The following LRRC7 variants were observed in gnomAD, a reference collection of about 807,000 sequenced individuals.
LRRC7 encodes leucine-rich repeat-containing protein 7.
Under a neutral mutation model 175.7 loss-of-function variants are expected in LRRC7, and 23 were observed. That is an observed-to-expected ratio of 0.13 (90% CI 0.09 to 0.19). The LOEUF is 0.19. Among genes scored for constraint, LRRC7 ranks in the 10% least tolerant of loss-of-function variants. The probability of loss-of-function intolerance (pLI) is 1.00; values close to 1 mark genes in which losing one functional copy is unlikely to be tolerated. For synonymous variants in LRRC7, 685 were observed against 680.9 expected (o/e 1.01, Z -0.09); for missense variants, 1,354 against 1,904.7 (o/e 0.71, Z 5.38).
chr1:70,128,882 T>C lies in LRRC7; in HGVS notation c.*6995T>C, dbSNP rs1666552864. The C allele has an allele frequency of 6.6e-6, 1 of 152,116 alleles. No individual in the cohort carries two copies. Among genetic ancestry groups the C allele is most frequent in the Non-Finnish European group, 1.5e-5 (1 of 68,008 alleles). 9.4% of individuals were successfully genotyped at this position (152,116 alleles called of 1,614,324 possible). A position where few individuals can be genotyped will look rare whatever the true frequency, so the allele number is the denominator to read the frequency against. Reference sequence around the variant, plus strand: ...AGTCAAATCTGTTTCAGTTTGAGCATGGTTTTTTCCATTTGGAGCTACAGA... The same window carrying C: ...AGTCAAATCTGTTTCAGTTTGAGCACGGTTTTTTCCATTTGGAGCTACAGA... On this transcript the variant is annotated 3_prime_UTR_variant, in exon 27 of 27. Transcript: ENST00000651989.
At position 69,573,821 on chromosome 1, in the gene LRRC7, G is replaced by A. The variant is rs142845096; in HGVS notation, c.2+5180G>A. ...AAAATATTATTTTACTTCAATACAC[G>A]TGAAAGAAATAGTAGTTGTCAGGGA... is the stretch of plus-strand genomic sequence containing the variant. On this transcript the variant is annotated intron_variant, in intron 1 of 26. Transcript: ENST00000651989. 4.6e-5 allele frequency among the ~76,000 whole-genome samples: 7 copies of A among 152,140 alleles called. No individual in the cohort carries two copies. The East Asian group carries it at 1.2e-3, about 25-fold the overall frequency.
chr1:69,617,069 TC>T (rs1185984720), intron 1 of LRRC7, among the ~76,000 whole-genome samples: 1 of 152,078 alleles, frequency 6.6e-6, no homozygotes, highest in Non-Finnish European at 1.5e-5. Context: ...CATCTATATA[TC>T]CCAAGCTGCA....
chr1:69,766,048 A>G lies in LRRC7; in HGVS notation c.303+5655A>G, dbSNP rs181583431. Among the ~76,000 whole-genome samples, 232 of 151,924 alleles carry G rather than the reference A, an allele frequency of 1.5e-3. 1 individual carries two copies. In the Middle Eastern group the frequency reaches 0.044, roughly 29 times the overall value. ...AAATCAACAGACCAAAAAAAAAAAA[A>G]TGTCCTTAGAAAGGAAAAAGACAAT... On this transcript the variant is annotated intron_variant, in intron 3 of 26. Coordinates refer to ENST00000651989, the MANE Select transcript of LRRC7 (RefSeq NM_001370785.2).
At chr1:69,985,776 T>C (rs932898836) in intron 9 of LRRC7, among the ~76,000 whole-genome samples, 1 of 152,248 alleles carries the variant, frequency 6.6e-6, no homozygotes, top group Non-Finnish European at 1.5e-5. Context: ...GCATGTATTT[T>C]CAAGGTTCAT....
At chr1:70,032,826 A>G (rs1658902714) in intron 18 of LRRC7, among the ~76,000 whole-genome samples, 1 of 152,212 alleles carries the variant, frequency 6.6e-6, no homozygotes. Flanking sequence ...CAGTTTGAAC[A>G]GTGGAAGGGC....
intron 23 of LRRC7, among the ~76,000 whole-genome samples, chr1:70,068,011 T>G (rs547740487): frequency 1.3e-5 from 2 of 152,326 alleles, no homozygotes; most frequent in South Asian, 4.1e-4. Context: ...ATTTTTTGGT[T>G]GTTGATTCTT....
rs191076904 is a variant in LRRC7 at position 69,811,568 on chromosome 1, C to T, written c.422-14180C>T. Reference sequence around the variant, plus strand: ...GGATAAAGAAAATGTGGACCATATACACCATGGAATACTATGCATCCATAA... The same window carrying T: ...GGATAAAGAAAATGTGGACCATATATACCATGGAATACTATGCATCCATAA... On this transcript the variant is annotated intron_variant, in intron 4 of 26. Coordinates refer to ENST00000651989, the MANE Select transcript of LRRC7 (RefSeq NM_001370785.2). Among the ~76,000 whole-genome samples, 728 of 152,242 alleles carry T rather than the reference C, an allele frequency of 4.8e-3. 4 individuals are homozygous for T. Among genetic ancestry groups the T allele is most frequent in the Non-Finnish European group, 6.8e-3 (462 of 68,020 alleles).
intron 1 of LRRC7, among the ~76,000 whole-genome samples, chr1:69,594,969 T>C (rs1360458105): frequency 6.6e-6 from 1 of 152,118 alleles, no homozygotes; most frequent in African/African-American, 2.4e-5. Flanking sequence ...TTAACATACA[T>C]AGAAGATGAC....
intron 1 of LRRC7, among the ~76,000 whole-genome samples, chr1:69,611,418 T>C (rs1224764446): frequency 6.6e-6 from 1 of 152,076 alleles, no homozygotes. Flanking sequence ...ATAGTTGTAT[T>C]CTGAAATGTT....
At chr1:69,622,908 T>C (rs2764529) in intron 1 of LRRC7, among the ~76,000 whole-genome samples, 19,520 of 152,210 alleles carry the variant, frequency 0.13, 1,594 homozygotes, top group South Asian at 0.19. Flanking sequence ...TTGAGGTGGC[T>C]ACTCTTAAGA....
intron 2 of LRRC7, among the ~76,000 whole-genome samples, chr1:69,727,136 G>C (rs1363235257): frequency 6.6e-6 from 1 of 152,208 alleles, no homozygotes; most frequent in Non-Finnish European, 1.5e-5. Context: ...ACCAGCCTCA[G>C]TCATTGGAGG....
intron 2 of LRRC7, among the ~76,000 whole-genome samples, chr1:69,723,522 C>T (rs1196848081): frequency 6.6e-6 from 1 of 152,072 alleles, no homozygotes; most frequent in Non-Finnish European, 1.5e-5. Context: ...GGACAGTTGT[C>T]AGAAATTATT....
intron 7 of LRRC7, among the ~76,000 whole-genome samples, chr1:69,852,183 G>A (rs2101467516): frequency 6.6e-6 from 1 of 151,958 alleles, no homozygotes; most frequent in African/African-American, 2.4e-5. Context: ...TTCACATTAT[G>A]TTGAATTTGT....
intron 13 of LRRC7, 101 bp from the exon 14 acceptor site, chr1:70,016,363 AG>A: frequency 1.2e-6 from 1 of 834,020 alleles, no homozygotes; most frequent in Non-Finnish European, 1.8e-6. Flanking sequence ...AAGGGATTCA[AG>A]AAAAGAATGA....
intron 3 of LRRC7, among the ~76,000 whole-genome samples, chr1:69,783,317 T>G (rs1673988269): frequency 6.6e-6 from 1 of 152,202 alleles, no homozygotes; most frequent in Admixed American, 6.5e-5. Context: ...AGAATTCTGG[T>G]GACCCAGCTA....
chr1:69,852,928 C>T (rs537811641), intron 7 of LRRC7, among the ~76,000 whole-genome samples: 5 of 152,168 alleles, frequency 3.3e-5, no homozygotes, highest in African/African-American at 1.2e-4. Context: ...GCCTGGTGAG[C>T]AAACTGTGTA....
chr1:69,686,492 G>T (rs529652349), intron 2 of LRRC7, among the ~76,000 whole-genome samples: 114 of 152,160 alleles, frequency 7.5e-4, no homozygotes, highest in African/African-American at 2.6e-3. Flanking sequence ...TTGATATAAG[G>T]TTTCTCTACT....
chr1:69,698,426 C>T (rs1373584841), intron 2 of LRRC7, among the ~76,000 whole-genome samples: 1 of 152,178 alleles, frequency 6.6e-6, no homozygotes, highest in African/African-American at 2.4e-5. Flanking sequence ...AGAATGTCTT[C>T]CAAATCATGC....
At chr1:69,626,734 C>A (rs1020305180) in intron 1 of LRRC7, among the ~76,000 whole-genome samples, 1 of 129,066 alleles carries the variant, frequency 7.7e-6, no homozygotes, top group South Asian at 3.1e-4. Context: ...CTCCGCCCCC[C>A]CATGACAGGC....
Sources: allele counts gnomAD v4.1 joint callset (sites outside exome capture counted in the v4.1 genomes callset), GRCh38; gene constraint gnomAD v4.1.1; transcripts MANE v1.5; gene names NCBI Gene and HGNC (gene_info 2026-07-23, HGNC 2026-07-21).